Variants in PROZ observed in about 807,000 individuals in gnomAD.
The protein encoded by PROZ is vitamin K-dependent protein Z.
PROZ carries 46 observed loss-of-function variants against 34.9 expected under a neutral mutation model. That is an observed-to-expected ratio of 1.32 (90% CI 1.04 to 1.69). The LOEUF is 1.69. Among genes scored for constraint, PROZ ranks in the 40% most tolerant of loss-of-function variants. The probability of loss-of-function intolerance (pLI) is 0.00; values close to 1 mark genes in which losing one functional copy is unlikely to be tolerated. For missense variants in PROZ, 530 were observed against 520.4 expected (o/e 1.02, Z -0.18); for synonymous variants, 195 against 208.5 (o/e 0.94, Z 0.56).
At chr13:113,166,217 G>C (rs1412784557) in intron 6 of PROZ, 1 of 152,218 alleles carries the variant, frequency 6.6e-6, no homozygotes, top group African/African-American at 2.4e-5. Context: ...GTAAGTAAAA[G>C]CATGTGAAAT....
Position 113,161,097 on chromosome 13 carries a change from G to T in PROZ, c.259+125G>T, listed in dbSNP as rs908852000. 19 of 885,420 alleles carry T rather than the reference G, an allele frequency of 2.1e-5. No individual in the cohort carries two copies. The Admixed American group carries it at 3.3e-4, about 15-fold the overall frequency. 54.8% of individuals were successfully genotyped at this position (885,420 alleles called of 1,614,324 possible). A position where few individuals can be genotyped will look rare whatever the true frequency, so the allele number is the denominator to read the frequency against. The stretch of plus-strand genomic sequence containing the variant: ...AGCCTCTGGCTCCAGGACCCACGGT[G>T]TCTCTCCAGGGAAGGGCAGCTCCGA... On this transcript the variant is annotated intron_variant, in intron 3 of 7. Transcript: ENST00000375547.
chr13:113,161,042 C>T (rs180923575), intron 3 of PROZ, 70 bp downstream of exon 3: 138 of 1,355,664 alleles, frequency 1.0e-4, no homozygotes, highest in African/African-American at 5.3e-4. Flanking sequence ...GGGCTTAGGA[C>T]GCTTCACGAC....
At position 113,170,421 on chromosome 13, in the gene PROZ, A is replaced by C. The variant is rs373519063; in HGVS notation, c.582A>C (p.Leu194Phe). The change falls in exon 7 of 8, where the codon TTA (leucine) becomes TTC (phenylalanine). Residue 194 changes from leucine (L) to phenylalanine (F), a missense_variant. Coordinates refer to ENST00000375547, the MANE Select transcript of PROZ (RefSeq NM_003891.3). ...TGTTTTGATTTTTAAAGGTAAAGTTAACAAATTCCGAAGGAAAAGACTTCT... is the reference window on the plus strand; with the variant it reads ...TGTTTTGATTTTTAAAGGTAAAGTTCACAAATTCCGAAGGAAAAGACTTCT... ...DLQDLPWQVKLTNSEGKDFCG... is the reference protein window; with the variant it reads ...DLQDLPWQVKFTNSEGKDFCG... The C allele has an allele frequency of 1.6e-5, 26 of 1,591,298 alleles. No homozygotes were observed. In the African/African-American group the frequency reaches 3.5e-4, roughly 21 times the overall value.
Position 113,159,910 on chromosome 13 carries a change from C to A in PROZ, c.71-104C>A. On this transcript the variant is annotated intron_variant, in intron 1 of 7. Transcript: ENST00000375547. The surrounding 1 kb of genome is among the most constrained non-coding windows in gnomAD (Gnocchi z 4.6). The stretch of plus-strand genomic sequence containing the variant: ...CTCGCAGGCTGAGAGCCTGTGGAGA[C>A]GGACGGGGCTGGGGCTGGCGGCCGG... 1 of 1,396,946 alleles carries A rather than the reference C, an allele frequency of 7.2e-7. No homozygotes were observed. The highest frequency in any genetic ancestry group is 1.0e-6 in the Non-Finnish European group (1 of 986,186). 86.5% of individuals were successfully genotyped at this position (1,396,946 alleles called of 1,614,324 possible). A position where few individuals can be genotyped will look rare whatever the true frequency, so the allele number is the denominator to read the frequency against.
In PROZ at chr13:113,159,116, C is replaced by G; in HGVS notation, c.70+386C>G. The G allele has an allele frequency of 2.6e-6, 3 of 1,143,240 alleles. No individual in the cohort carries two copies. Among genetic ancestry groups the G allele is most frequent in the Non-Finnish European group, 3.8e-6 (3 of 780,952 alleles). 70.8% of individuals were successfully genotyped at this position (1,143,240 alleles called of 1,614,324 possible). A position where few individuals can be genotyped will look rare whatever the true frequency, so the allele number is the denominator to read the frequency against. ...GTGGGCAGAGAGAGCCTTGGCCAGG[C>G]CAGCCAGGAATGCCCAGTCTTGAGT... On this transcript the variant is annotated intron_variant, in intron 1 of 7. Coordinates refer to ENST00000375547, the MANE Select transcript of PROZ (RefSeq NM_003891.3). This position sits in a 1 kb window ranked among gnomAD's most constrained non-coding sequence, Gnocchi z 4.6.
Position 113,172,371 on chromosome 13 carries a change from TGTCA to T in PROZ, c.*271_*274del, listed in dbSNP as rs2037133562. Reference sequence around the variant, plus strand: ...CGTTAAATAATAAAATAAGATAATCTGTCAGTCATAAAGCAGCCTGGTTTCCAGA... The same window carrying T: ...CGTTAAATAATAAAATAAGATAATCTGTCATAAAGCAGCCTGGTTTCCAGA... On this transcript the variant is annotated 3_prime_UTR_variant, in exon 8 of 8. Transcript: ENST00000375547. The T allele has an allele frequency of 2.1e-6, 1 of 483,048 alleles. No homozygotes were observed. The highest frequency in any genetic ancestry group is 3.8e-6 in the Non-Finnish European group (1 of 265,750). The allele number at this position is 483,048 out of a possible 1,614,324, so 29.9% of individuals were successfully genotyped here.
Position 113,171,088 on chromosome 13 carries a change from A to T in PROZ, c.692-506A>T, listed in dbSNP as rs2037097125. Among the ~76,000 whole-genome samples the T allele has an allele frequency of 6.6e-6, 1 of 151,630 alleles. No individual in the cohort carries two copies. Among genetic ancestry groups the T allele is most frequent in the South Asian group, 2.1e-4 (1 of 4,810 alleles). On this transcript the variant is annotated intron_variant, in intron 7 of 7. Coordinates refer to ENST00000375547, the MANE Select transcript of PROZ (RefSeq NM_003891.3). The surrounding 1 kb of genome is among the most constrained non-coding windows in gnomAD (Gnocchi z 5.1). Reference sequence around the variant, plus strand: ...CAGGCATGCACCACCATATCCCACTAATTTTTTGTATTTTTAGTAGAAATG... The same window carrying T: ...CAGGCATGCACCACCATATCCCACTTATTTTTTGTATTTTTAGTAGAAATG...
chr13:113,169,109 GA>G (rs2037034700), intron 6 of PROZ, among the ~76,000 whole-genome samples: 1 of 151,978 alleles, frequency 6.6e-6, no homozygotes, highest in African/African-American at 2.4e-5. Flanking sequence ...TAAGCTGTTT[GA>G]AATCCCATAG....
Position 113,160,151 on chromosome 13 carries a change from G to C in PROZ, c.208G>C (p.Glu70Gln), listed in dbSNP as rs3024778. The part of the protein sequence containing the change: ...EEICVYEEAR[E>Q]VFENEVVTDE... ...AATCTGTGTCTATGAAGAAGCAAGA[G>C]AAGTGTTTGAAAATGAAGTAGTCAC... Residue 70 changes from glutamate (E) to glutamine (Q), a missense_variant, in exon 2 of 8, where the codon GAA becomes CAA. Glu to Gln is a conservative substitution (Grantham distance 29). Coordinates refer to ENST00000375547, the MANE Select transcript of PROZ (RefSeq NM_003891.3). 3.7e-6 allele frequency: 6 copies of C among 1,614,154 alleles called. No individual in the cohort carries two copies. The South Asian group carries it at 4.4e-5, about 12-fold the overall frequency.
In PROZ at chr13:113,160,113, AATGTT is replaced by A; in HGVS notation, c.174_178del (p.Cys58Ter). ...CTCTTCGAGGGAAACTTGGAAAAAG[AATGTT>A]ATGAAGAAATCTGTGTCTATGAAGA... On this transcript the variant is annotated frameshift_variant, in exon 2 of 8. Transcript: ENST00000375547. LOFTEE classifies it high-confidence loss of function. The A allele has an allele frequency of 6.2e-7, 1 of 1,614,138 alleles. No individual in the cohort carries two copies. Among genetic ancestry groups the A allele is most frequent in the Non-Finnish European group, 8.5e-7 (1 of 1,180,024 alleles).
At chr13:113,161,808 C>T (rs565312125) in intron 3 of PROZ, among the ~76,000 whole-genome samples, 183 of 119,468 alleles carry the variant, frequency 1.5e-3, no homozygotes, top group African/African-American at 5.1e-3. Context: ...CTCCTCACAT[C>T]CTCCTCCTGC....
At position 113,159,914 on chromosome 13, in the gene PROZ, C is replaced by A. The variant is rs568294656; in HGVS notation, c.71-100C>A. On this transcript the variant is annotated intron_variant, in intron 1 of 7. Transcript: ENST00000375547. This position sits in a 1 kb window ranked among gnomAD's most constrained non-coding sequence, Gnocchi z 4.6. Reference sequence around the variant, plus strand: ...CAGGCTGAGAGCCTGTGGAGACGGACGGGGCTGGGGCTGGCGGCCGGCCGG... The same window carrying A: ...CAGGCTGAGAGCCTGTGGAGACGGAAGGGGCTGGGGCTGGCGGCCGGCCGG... 3.4e-5 allele frequency: 49 copies of A among 1,432,230 alleles called. No homozygotes were observed. In the South Asian group the frequency reaches 5.3e-4, roughly 15 times the overall value. 88.7% of individuals were successfully genotyped at this position (1,432,230 alleles called of 1,614,324 possible).
intron 3 of PROZ, 59 bp downstream of exon 3, chr13:113,161,031 T>C (rs2036750785): frequency 2.7e-6 from 4 of 1,500,462 alleles, no homozygotes; most frequent in Admixed American, 1.7e-5. Context: ...GGTGCGTGGG[T>C]GGGCTTAGGA....
intron 5 of PROZ, 37 bp from the exon 6 acceptor site, chr13:113,165,016 G>A (rs777884046): frequency 1.2e-5 from 20 of 1,601,656 alleles, no homozygotes; most frequent in South Asian, 1.2e-4. Flanking sequence ...CTGAGAAGGC[G>A]CTGATTTTTA....
At chr13:113,163,379 T>TCCCCCC (rs879567218) in intron 4 of PROZ, among the ~76,000 whole-genome samples, 1 of 148,822 alleles carries the variant, frequency 6.7e-6, no homozygotes. Flanking sequence ...GCCCCTCTCC[T>TCCCCCC]CCCCCCACCA....
Position 113,163,132 on chromosome 13 carries a change from C to G in PROZ, c.373+10C>G, listed in dbSNP as rs780799257. The stretch of plus-strand genomic sequence containing the variant: ...AGCAACTGCGAGCTGGGTGAGGCCC[C>G]GGCCGTCCCCTTCCCCCAAGGGCCT... On this transcript the variant is annotated intron_variant, in intron 4 of 7. Transcript: ENST00000375547. 8 of 1,541,872 alleles carry G rather than the reference C, an allele frequency of 5.2e-6. No homozygotes were observed. The East Asian group carries it at 2.0e-4, about 38-fold the overall frequency.
At chr13:113,164,269 C>T (rs1367312478) in intron 4 of PROZ, among the ~76,000 whole-genome samples, 5 of 152,062 alleles carry the variant, frequency 3.3e-5, no homozygotes, top group South Asian at 4.1e-4. Flanking sequence ...TGAGCCACCG[C>T]GCCCGGCCTC....
At chr13:113,161,596 C>T (rs958324315) in intron 3 of PROZ, among the ~76,000 whole-genome samples, 3 of 152,216 alleles carry the variant, frequency 2.0e-5, no homozygotes, top group East Asian at 3.9e-4. Context: ...GCTGATGGGG[C>T]GGGACAGAGG....
chr13:113,169,238 G>A (rs1448151920), intron 6 of PROZ, among the ~76,000 whole-genome samples: 4 of 152,170 alleles, frequency 2.6e-5, no homozygotes, highest in Admixed American at 6.5e-5. Flanking sequence ...TGTCTAATCT[G>A]CCATTCATCC....
Sources: gnomAD v4.1 joint callset for allele counts (sites outside exome capture counted in the v4.1 genomes callset) on GRCh38, gnomAD v4.1.1 for gene constraint, Gnocchi (gnomAD v3.1) non-coding constraint, MANE v1.5 for transcripts, NCBI Gene and HGNC (gene_info 2026-07-23, HGNC 2026-07-21) for gene names.